HERC2: variants seen among roughly 807,000 people sequenced by gnomAD.
The protein encoded by HERC2 is E3 ubiquitin-protein ligase HERC2.
A neutral mutation model predicts 537.7 loss-of-function variants in HERC2; 102 were observed. That is an observed-to-expected ratio of 0.19 (90% CI 0.16 to 0.22). The LOEUF (loss-of-function observed/expected upper bound fraction) is 0.22. HERC2 is among the 10% of genes least tolerant of loss of function. The pLI is 1.00. For synonymous variants in HERC2, 2,224 were observed against 2,466.2 expected (o/e 0.90, Z 2.91); for missense variants, 4,236 against 6,198.2 (o/e 0.68, Z 10.63).
intron 4 of HERC2, among the ~76,000 whole-genome samples, chr15:28,291,062 T>C (rs1327876442): frequency 6.6e-6 from 1 of 152,196 alleles, no homozygotes; most frequent in African/African-American, 2.4e-5. Flanking sequence ...GGAAGACTGA[T>C]CCAAACGGAA....
chr15:28,111,643 C>T lies in HERC2; in HGVS notation c.*120G>A. On this transcript the variant is annotated 3_prime_UTR_variant, in exon 93 of 93. Transcript: ENST00000261609. Reference sequence around the variant, plus strand: ...CCAGTCAGTCTCTCCACTCCCTCCTCCCGCCTGGCTCGAGGACGGACGCTT... The same window carrying T: ...CCAGTCAGTCTCTCCACTCCCTCCTTCCGCCTGGCTCGAGGACGGACGCTT... 9.3e-7 allele frequency: 1 copy of T among 1,071,664 alleles called. No homozygotes were observed. The highest frequency in any genetic ancestry group is 1.6e-5 in the South Asian group (1 of 64,032). 66.4% of individuals were successfully genotyped at this position (1,071,664 alleles called of 1,614,324 possible). A position where few individuals can be genotyped will look rare whatever the true frequency, so the allele number is the denominator to read the frequency against.
intron 38 of HERC2, among the ~76,000 whole-genome samples, chr15:28,216,011 T>TC (rs1393848223): frequency 6.6e-6 from 1 of 152,120 alleles, no homozygotes; most frequent in Non-Finnish European, 1.5e-5. Context: ...TCTCAATTTT[T>TC]CTTTTTTTTT....
chr15:28,204,397 G>A (rs1252340647), intron 45 of HERC2, among the ~76,000 whole-genome samples: 26 of 152,086 alleles, frequency 1.7e-4, no homozygotes, highest in Non-Finnish European at 2.6e-4. Flanking sequence ...CGAGGAGGGC[G>A]GATCATGAGG....
chr15:28,259,139 A>T (rs1374505628), intron 16 of HERC2, among the ~76,000 whole-genome samples: 1 of 152,120 alleles, frequency 6.6e-6, no homozygotes, highest in South Asian at 2.1e-4. Context: ...TTGTTGCCCA[A>T]GCTGGAGTGC....
At chr15:28,314,466 G>A (rs2077028260) in intron 2 of HERC2, among the ~76,000 whole-genome samples, 1 of 152,194 alleles carries the variant, frequency 6.6e-6, no homozygotes, top group Non-Finnish European at 1.5e-5. Flanking sequence ...CTCTGCCTAT[G>A]TAGGAGCCAT....
Position 28,228,368 on chromosome 15 carries a change from G to A in HERC2, c.5314C>T (p.Pro1772Ser), listed in dbSNP as rs148787940. The change falls in exon 35 of 93, where the codon CCG becomes TCG. Residue 1772 changes from proline to serine, a missense_variant. Around this residue, in one of 27 missense-constraint regions of HERC2, gnomAD observed 343 missense variants for 417.2 expected, o/e 0.82. Transcript: ENST00000261609. ...VPLQTITNEN[P>S]SGPSLGTIPQ... is the part of the protein sequence containing the mutation. The stretch of plus-strand genomic sequence containing the variant: ...ATGGTCCCCAGGCTCGGTCCTGACG[G>A]GTTCTCATTGGTGATGGTTTGCAGG... 1.2e-5 allele frequency: 19 copies of A among 1,612,080 alleles called. No homozygotes were observed. The African/African-American group carries it at 2.3e-4, about 19-fold the overall frequency.
rs1449000292 is a variant in HERC2 at position 28,301,761 on chromosome 15, A to G, written c.73-2245T>C. 2.8e-3 allele frequency among the ~76,000 whole-genome samples: 314 copies of G among 112,390 alleles called. 13 individuals carry two copies. Among genetic ancestry groups the G allele is most frequent in the Non-Finnish European group, 4.2e-3 (241 of 57,340 alleles). 73.7% of individuals were successfully genotyped at this position (112,390 alleles called of 152,430 possible). A position where few individuals can be genotyped will look rare whatever the true frequency, so the allele number is the denominator to read the frequency against. On this transcript the variant is annotated intron_variant, in intron 2 of 92. Coordinates refer to ENST00000261609, the MANE Select transcript of HERC2 (RefSeq NM_004667.6). Reference sequence around the variant, plus strand: ...TATATATATATATATATATATATATATATATATATATATATATATGGGTTA... The same window carrying G: ...TATATATATATATATATATATATATGTATATATATATATATATATGGGTTA...
chr15:28,250,985 G>A (rs1260586775), intron 20 of HERC2, among the ~76,000 whole-genome samples: 1 of 152,092 alleles, frequency 6.6e-6, no homozygotes, highest in Non-Finnish European at 1.5e-5. Flanking sequence ...TTACAAATCT[G>A]CTGTAGAACC....
At chr15:28,277,534 T>TA (rs2075907880) in intron 5 of HERC2, among the ~76,000 whole-genome samples, 1 of 151,702 alleles carries the variant, frequency 6.6e-6, no homozygotes, top group Admixed American at 6.6e-5. Flanking sequence ...ACATTCCAAT[T>TA]AATTCACCAA....
At chr15:28,187,809 C>T (rs1396236072) in intron 55 of HERC2, among the ~76,000 whole-genome samples, 2 of 152,148 alleles carry the variant, frequency 1.3e-5, no homozygotes, top group African/African-American at 4.8e-5. Flanking sequence ...CTCTGTTCTG[C>T]CTTTGCCATG....
intron 81 of HERC2, 53 bp downstream of exon 81, chr15:28,132,047 G>T: frequency 9.0e-7 from 1 of 1,115,550 alleles, no homozygotes; most frequent in Non-Finnish European, 1.2e-6. Flanking sequence ...GGCCCTGGGG[G>T]CCCGACTGCG....
chr15:28,180,054 GTTCACTCACCAC>G (rs527619883), intron 57 of HERC2, among the ~76,000 whole-genome samples: 1 of 152,130 alleles, frequency 6.6e-6, no homozygotes, highest in Non-Finnish European at 1.5e-5. Flanking sequence ...TGGCCTTCAC[GTTCACTCACCAC>G]TCTCTCACTG....
intron 64 of HERC2, 114 bp downstream of exon 64, chr15:28,175,398 G>C: frequency 2.0e-6 from 2 of 1,018,770 alleles, no homozygotes; most frequent in East Asian, 2.6e-5. Context: ...CAAGCAGTAA[G>C]ACTCAGCTGA....
At chr15:28,150,869 T>C (rs1249810110) in intron 70 of HERC2, among the ~76,000 whole-genome samples, 1 of 152,094 alleles carries the variant, frequency 6.6e-6, no homozygotes, top group Non-Finnish European at 1.5e-5. Context: ...GGCTTTAATA[T>C]CCAGAAAAAC....
chr15:28,165,294 A>G (rs1393923500), intron 68 of HERC2, among the ~76,000 whole-genome samples: 1 of 152,240 alleles, frequency 6.6e-6, no homozygotes, highest in Non-Finnish European at 1.5e-5. Flanking sequence ...AGTGGGGGAC[A>G]GCCAAGATCG....
At chr15:28,128,273 G>A (rs1013806602) in intron 83 of HERC2, among the ~76,000 whole-genome samples, 20 of 152,182 alleles carry the variant, frequency 1.3e-4, no homozygotes, top group Admixed American at 2.6e-4. Flanking sequence ...GGGCATGGGC[G>A]TCAGGCGGGG....
At position 28,237,012 on chromosome 15, in the gene HERC2, C is replaced by T. The variant is rs3881419; in HGVS notation, c.3954G>A (p.Ser1318=). ...ACAGCGGTGTGCTCATTGCCAAATA[C>T]GAAGCGTGTAATCCGAGAAGCAGGC... The part of the protein sequence containing the change: ...NLGLLLGLHA[S]YLAMSTPLSP... The change falls in exon 26 of 93, where the codon TCG becomes TCA. Residue 1318 remains serine, a synonymous_variant. Coordinates refer to ENST00000261609, the MANE Select transcript of HERC2 (RefSeq NM_004667.6). The T allele has an allele frequency of 2.5e-6, 4 of 1,611,658 alleles. No individual in the cohort carries two copies. The East Asian group carries it at 6.7e-5, about 27-fold the overall frequency.
chr15:28,290,018 A>G (rs760142778), intron 4 of HERC2, among the ~76,000 whole-genome samples: 1 of 152,244 alleles, frequency 6.6e-6, no homozygotes, highest in Non-Finnish European at 1.5e-5. Context: ...GGGTTCAAAG[A>G]GGACGGACCT....
chr15:28,228,184 T>G, intron 35 of HERC2, 34 bp downstream of exon 35: 1 of 1,588,526 alleles, frequency 6.3e-7, no homozygotes, highest in Non-Finnish European at 8.6e-7. Flanking sequence ...ATCTTGACAT[T>G]TTCCCAAAGG....
Sources: gnomAD v4.1 joint callset for allele counts (sites outside exome capture counted in the v4.1 genomes callset) on GRCh38, gnomAD v4.1.1 for gene constraint, gnomAD v4.1.1 regional missense constraint, MANE v1.5 for transcripts, NCBI Gene and HGNC (gene_info 2026-07-23, HGNC 2026-07-21) for gene names.